Variants in KCNG2 observed in about 807,000 individuals in gnomAD.
The protein encoded by KCNG2 is voltage-gated potassium channel regulatory subunit KCNG2.
Under a neutral mutation model 12.3 loss-of-function variants are expected in KCNG2, and 7 were observed. That is an observed-to-expected ratio of 0.57 (90% CI 0.32 to 1.07). The LOEUF (loss-of-function observed/expected upper bound fraction) is 1.07, where lower values mean the gene tolerates loss of function less well. Among genes scored for constraint, KCNG2 ranks in the 50% least tolerant of loss-of-function variants. The pLI is 0.04. For missense variants in KCNG2, 703 were observed against 726.0 expected, an observed-to-expected ratio of 0.97 and a Z score of 0.36; for synonymous variants, 414 against 351.4, an observed-to-expected ratio of 1.18 and a Z score of -1.99.
chr18:79,838,882 G>A (rs1156239547), intron 1 of KCNG2, among the ~76,000 whole-genome samples: 1 of 152,218 alleles, frequency 6.6e-6, no homozygotes, highest in Admixed American at 6.5e-5. Flanking sequence ...GTACCTAGAA[G>A]AGGAAGAGCA....
intron 3 of KCNG2, among the ~76,000 whole-genome samples, chr18:79,867,993 G>C (rs557020326): frequency 1.3e-5 from 2 of 152,324 alleles, no homozygotes; most frequent in East Asian, 3.9e-4. Context: ...CTGCAGTCTG[G>C]GTGTCTGGCG....
At chr18:79,828,133 C>T (rs1978287588) in intron 1 of KCNG2, among the ~76,000 whole-genome samples, 1 of 152,132 alleles carries the variant, frequency 6.6e-6, no homozygotes. Context: ...CCATGTTGGC[C>T]AGTCTGGTCT....
intron 1 of KCNG2, among the ~76,000 whole-genome samples, chr18:79,805,572 G>T (rs1241135051): frequency 3.9e-5 from 6 of 151,960 alleles, no homozygotes; most frequent in Admixed American, 3.9e-4. Context: ...GTTTCTCAGT[G>T]ATGATCTTAG....
rs376228784 is a variant in KCNG2, at chr18:79,823,174, T to C, written c.-115+25160T>C. On this transcript the variant is annotated intron_variant, in intron 1 of 3. Transcript: ENST00000316249. ...TTCTCACTTAATGTCCTGGAAGTCA[T>C]CTCGTGGCAGGCCTTACAGACCTTC... 3.7e-4 allele frequency among the ~76,000 whole-genome samples: 57 copies of C among 152,312 alleles called. No homozygotes were observed. In the Middle Eastern group the frequency reaches 0.017, roughly 45 times the overall value.
intron 3 of KCNG2, among the ~76,000 whole-genome samples, chr18:79,869,281 C>T (rs1176207946): frequency 5.9e-5 from 9 of 152,104 alleles, no homozygotes; most frequent in Non-Finnish European, 1.2e-4. Context: ...GGGGAGGGCT[C>T]GGCTCAGGGA....
chr18:79,893,075 C>A (rs922950401), intron 3 of KCNG2, among the ~76,000 whole-genome samples: 1 of 150,916 alleles, frequency 6.6e-6, no homozygotes, highest in African/African-American at 2.4e-5. Flanking sequence ...GGGTTGTTCG[C>A]TCCATTCACA....
Position 79,834,549 on chromosome 18 carries a change from G to A in KCNG2, c.-114-21830G>A, listed in dbSNP as rs143131495. ...AGAGAAAGTGGGACCGGGGTCCACC[G>A]AGCTCTGGGAGCCCACGCTATTTAA... On this transcript the variant is annotated intron_variant, in intron 1 of 3. Coordinates refer to ENST00000316249, the MANE Select transcript of KCNG2 (RefSeq NM_012283.2). Among the ~76,000 whole-genome samples the A allele has an allele frequency of 2.1e-3, 325 of 152,330 alleles. 1 individual carries two copies. Among genetic ancestry groups the A allele is most frequent in the African/African-American group, 7.4e-3 (306 of 41,578 alleles).
At chr18:79,865,942 A>C in intron 3 of KCNG2, among the ~76,000 whole-genome samples, 1 of 46,276 alleles carries the variant, frequency 2.2e-5, no homozygotes, top group African/African-American at 8.0e-5. Context: ...TGAGGTCTGG[A>C]TGCTGAGAGG....
intron 1 of KCNG2, among the ~76,000 whole-genome samples, chr18:79,828,658 C>T (rs943589365): frequency 3.4e-5 from 5 of 147,090 alleles, no homozygotes. Flanking sequence ...TCTGTGTGTG[C>T]CTGTGTGTGC....
At chr18:79,809,490 G>T (rs373807275) in intron 1 of KCNG2, among the ~76,000 whole-genome samples, 320 of 71,576 alleles carry the variant, frequency 4.5e-3, no homozygotes, top group Middle Eastern at 0.025. Flanking sequence ...CACGTTATGG[G>T]CCCAGAGTCC....
intron 1 of KCNG2, among the ~76,000 whole-genome samples, chr18:79,846,758 T>C (rs1004322866): frequency 2.6e-5 from 4 of 152,218 alleles, no homozygotes; most frequent in African/African-American, 9.7e-5. Context: ...TGCTCACTGA[T>C]TGGTTGAAGA....
chr18:79,872,229 CAA>C (rs747975244), intron 3 of KCNG2, among the ~76,000 whole-genome samples: 14 of 81,554 alleles, frequency 1.7e-4, no homozygotes, highest in South Asian at 3.8e-4. Flanking sequence ...TTTAGTCTGG[CAA>C]AAAAAAAAAA....
intron 1 of KCNG2, among the ~76,000 whole-genome samples, chr18:79,834,220 G>A (rs1434839740): frequency 6.6e-6 from 1 of 152,252 alleles, no homozygotes. Context: ...ATAAAGACCC[G>A]TTTGCCTCGG....
chr18:79,883,344 CA>C (rs752252136), intron 3 of KCNG2, among the ~76,000 whole-genome samples: 38 of 152,198 alleles, frequency 2.5e-4, no homozygotes, highest in Non-Finnish European at 4.7e-4. Flanking sequence ...GTGGTGGTTC[CA>C]GGACCGTGAT....
At position 79,888,032 on chromosome 18, in the gene KCNG2, T is replaced by C. The variant is rs112935974; in HGVS notation, c.625-11008T>C. On this transcript the variant is annotated intron_variant, in intron 3 of 3. Transcript: ENST00000316249. ...CATTCTGAATGCATTTAACACCCTT[T>C]AAAACGGTTCAGATGGTGTCTTGTT... Among the ~76,000 whole-genome samples the C allele has an allele frequency of 1.7e-3, 258 of 152,330 alleles. 1 individual carries two copies. Among genetic ancestry groups the C allele is most frequent in the African/African-American group, 6.0e-3 (249 of 41,572 alleles).
At chr18:79,875,173 G>A (rs1980017589) in intron 3 of KCNG2, among the ~76,000 whole-genome samples, 1 of 152,148 alleles carries the variant, frequency 6.6e-6, no homozygotes, top group African/African-American at 2.4e-5. Context: ...CCACTCTTCT[G>A]TGTGAGGACT....
chr18:79,815,797 G>A (rs2087524143), intron 1 of KCNG2, among the ~76,000 whole-genome samples: 1 of 152,262 alleles, frequency 6.6e-6, no homozygotes, highest in Non-Finnish European at 1.5e-5. Flanking sequence ...TGAAGCAGCT[G>A]TTCTAACCCA....
At chr18:79,806,841 C>A (rs766091536) in intron 1 of KCNG2, among the ~76,000 whole-genome samples, 1 of 152,218 alleles carries the variant, frequency 6.6e-6, no homozygotes, top group East Asian at 1.9e-4. Context: ...AAATAACATT[C>A]TTTCCATTTC....
intron 1 of KCNG2, among the ~76,000 whole-genome samples, chr18:79,820,187 G>A (rs1416853384): frequency 1.3e-5 from 2 of 152,190 alleles, no homozygotes; most frequent in African/African-American, 4.8e-5. Context: ...TCTGAACGTC[G>A]GCGCTTGTAT....
Sources: gnomAD v4.1 joint callset for allele counts (sites outside exome capture counted in the v4.1 genomes callset) on GRCh38, gnomAD v4.1.1 for gene constraint, MANE v1.5 for transcripts, NCBI Gene and HGNC (gene_info 2026-07-23, HGNC 2026-07-21) for gene names.